The following RUNX1T1 variants were observed in gnomAD, a reference collection of about 807,000 sequenced individuals.
RUNX1T1 encodes protein CBFA2T1.
RUNX1T1 carries 4 observed loss-of-function variants against 62.8 expected under a neutral mutation model. That is an observed-to-expected ratio of 0.06 (90% CI 0.03 to 0.15). RUNX1T1 has a LOEUF of 0.15. RUNX1T1 is among the 10% of genes least tolerant of loss of function. The pLI is 1.00. For synonymous variants in RUNX1T1, 291 were observed against 286.0 expected (o/e 1.02, Z -0.18); for missense variants, 508 against 754.3 (o/e 0.67, Z 3.82).
chr8:92,094,722 T>C (rs1246183000), intron 1 of RUNX1T1, among the ~76,000 whole-genome samples: 1 of 152,112 alleles, frequency 6.6e-6, no homozygotes, highest in African/African-American at 2.4e-5. Context: ...TCCTGTTAAA[T>C]CAGGGAGGTG....
In RUNX1T1 at chr8:92,072,884, T is replaced by C. The variant is rs1396786542; in HGVS notation, c.88+3081A>G. On this transcript the variant is annotated intron_variant, in intron 2 of 11. Transcript: ENST00000265814. ...ATATAAAGGTGCACAGCATCATCTA[T>C]ATCAGCATTTTAAAAATACCTCTTT... Among the ~76,000 whole-genome samples, 3 of 152,232 alleles carry C rather than the reference T, an allele frequency of 2.0e-5. 1 individual carries two copies. Among genetic ancestry groups the C allele is most frequent in the South Asian group, 4.1e-4 (2 of 4,830 alleles).
intron 1 of RUNX1T1, among the ~76,000 whole-genome samples, chr8:92,035,168 ACCTGTAATC>A (rs1007523225): frequency 5.9e-5 from 9 of 151,636 alleles, no homozygotes; most frequent in South Asian, 2.1e-4. Context: ...GATGGCGGGC[ACCTGTAATC>A]CCAGCTACTT....
chr8:92,035,784 T>C, intron 1 of RUNX1T1, among the ~76,000 whole-genome samples: 1 of 152,094 alleles, frequency 6.6e-6, no homozygotes, highest in East Asian at 1.9e-4. Context: ...TATATATATA[T>C]ATATTCAAAA....
At chr8:92,037,077 G>A (rs189550313) in intron 1 of RUNX1T1, among the ~76,000 whole-genome samples, 4 of 152,180 alleles carry the variant, frequency 2.6e-5, no homozygotes, top group South Asian at 2.1e-4. Flanking sequence ...CACCCTCATC[G>A]CCTCATGAAA....
chr8:92,050,517 T>A (rs993719878), intron 1 of RUNX1T1, among the ~76,000 whole-genome samples: 1 of 152,216 alleles, frequency 6.6e-6, no homozygotes, highest in Non-Finnish European at 1.5e-5. Context: ...AATAATGCCA[T>A]GGCCTTAAGG....
exon 6 of RUNX1T1, chr8:91,991,741 G>A (rs1000686671): frequency 1.2e-6 from 2 of 1,614,134 alleles, no homozygotes; most frequent in South Asian, 1.1e-5. Context: ...TAATGCTGAG[G>A]TGGAGGTGGG....
At chr8:92,071,957 G>C (rs1410597402) in intron 2 of RUNX1T1, among the ~76,000 whole-genome samples, 3 of 152,134 alleles carry the variant, frequency 2.0e-5, no homozygotes, top group East Asian at 1.9e-4. Flanking sequence ...CCAGAGAAAG[G>C]TCTGATTTTA....
upstream of RUNX1T1, among the ~76,000 whole-genome samples, chr8:92,067,440 G>C (rs2130684483): frequency 6.6e-6 from 1 of 152,198 alleles, no homozygotes; most frequent in African/African-American, 2.4e-5. Context: ...TTTGATTTTT[G>C]CATCTCCATC....
At chr8:92,056,047 G>A (rs1379729530) in intron 1 of RUNX1T1, among the ~76,000 whole-genome samples, 5 of 152,070 alleles carry the variant, frequency 3.3e-5, no homozygotes, top group Non-Finnish European at 7.4e-5. Context: ...TTCAAATGCA[G>A]GAGTATATAA....
intron 1 of RUNX1T1, among the ~76,000 whole-genome samples, chr8:92,023,935 C>A (rs1185062618): frequency 6.6e-6 from 1 of 152,112 alleles, no homozygotes; most frequent in Non-Finnish European, 1.5e-5. Flanking sequence ...TAGAAAACTG[C>A]ACCATCTACT....
At chr8:91,965,640 CA>C (rs1811427143) in intron 10 of RUNX1T1, among the ~76,000 whole-genome samples, 1 of 152,102 alleles carries the variant, frequency 6.6e-6, no homozygotes, top group Non-Finnish European at 1.5e-5. Flanking sequence ...TCCCTAAACC[CA>C]ACTCTGGTGG....
intron 1 of RUNX1T1, among the ~76,000 whole-genome samples, chr8:92,062,305 C>A (rs1832169467): frequency 6.6e-6 from 1 of 152,150 alleles, no homozygotes; most frequent in Admixed American, 6.5e-5. Context: ...ACCCCCTCAA[C>A]CTTTAAAATA....
intron 1 of RUNX1T1, among the ~76,000 whole-genome samples, chr8:92,046,127 AC>A (rs1490380518): frequency 3.3e-5 from 5 of 152,132 alleles, no homozygotes; most frequent in African/African-American, 1.2e-4. Flanking sequence ...TCAGACTGTC[AC>A]CACCTTGAAA....
chr8:92,001,334 A>C (rs1465656394), intron 5 of RUNX1T1, among the ~76,000 whole-genome samples: 1 of 152,210 alleles, frequency 6.6e-6, no homozygotes, highest in East Asian at 1.9e-4. Context: ...GTTTGAGACC[A>C]GCTTGGGCAA....
intron 5 of RUNX1T1, chr8:92,004,746 T>A (rs1287138517): frequency 5.9e-6 from 1 of 170,062 alleles, no homozygotes; most frequent in African/African-American, 2.4e-5. Flanking sequence ...AACAGCCAAT[T>A]TCAGAATATT....
At chr8:91,972,159 G>A (rs1181149705) in intron 9 of RUNX1T1, among the ~76,000 whole-genome samples, 1 of 151,998 alleles carries the variant, frequency 6.6e-6, no homozygotes, top group Non-Finnish European at 1.5e-5. Flanking sequence ...TAATAAAAAT[G>A]TTTTACTGTA....
At chr8:91,956,990 GA>G (rs911913545), downstream of RUNX1T1, 45 of 164,914 alleles carry the variant, frequency 2.7e-4, no homozygotes, top group East Asian at 5.3e-4. Context: ...AAAAATTTAA[GA>G]AAAAAAAAAG....
At chr8:92,087,380 C>T (rs1184479379) in intron 1 of RUNX1T1, among the ~76,000 whole-genome samples, 1 of 68,206 alleles carries the variant, frequency 1.5e-5, no homozygotes, top group Non-Finnish European at 2.6e-5. Context: ...CCCTACTCCA[C>T]CCCAATACTC....
chr8:92,084,150 GA>G (rs1245708201), intron 1 of RUNX1T1, among the ~76,000 whole-genome samples: 1 of 152,076 alleles, frequency 6.6e-6, no homozygotes, highest in African/African-American at 2.4e-5. Flanking sequence ...TCATGTAGAT[GA>G]CAGGTTGATG....
Sources: gnomAD v4.1 joint callset for allele counts (sites outside exome capture counted in the v4.1 genomes callset) on GRCh38, gnomAD v4.1.1 for gene constraint, MANE v1.5 for transcripts, NCBI Gene and HGNC (gene_info 2026-07-23, HGNC 2026-07-21) for gene names.